NEK11: variants seen among roughly 807,000 people sequenced by gnomAD.
The protein encoded by NEK11 is NIMA related kinase 11.
A neutral mutation model predicts 80.7 loss-of-function variants in NEK11; 72 were observed. That is an observed-to-expected ratio of 0.89 (90% confidence interval 0.74 to 1.08). The LOEUF is 1.08. Ranked by LOEUF, NEK11 falls within the 50% of genes least tolerant of loss-of-function variation. The pLI, the probability that NEK11 is intolerant of heterozygous loss-of-function variation, is 0.00. For missense variants in NEK11, 764 were observed against 763.6 expected, an observed-to-expected ratio of 1.00 and a Z score of -0.01; for synonymous variants, 251 against 260.7, an observed-to-expected ratio of 0.96 and a Z score of 0.36.
chr3:131,320,806 A>C (rs1195534353), intron 17 of NEK11, among the ~76,000 whole-genome samples: 1 of 152,182 alleles, frequency 6.6e-6, no homozygotes, highest in African/African-American at 2.4e-5. Context: ...GAGGTGAAAT[A>C]TCTCTACAGA....
At chr3:131,059,611 T>G (rs958761946) in intron 3 of NEK11, among the ~76,000 whole-genome samples, 2 of 152,180 alleles carry the variant, frequency 1.3e-5, no homozygotes, top group Non-Finnish European at 2.9e-5. Context: ...TCCATCTACA[T>G]AGTGTGAAGT....
chr3:131,337,022 G>A (rs1582310527), intron 17 of NEK11, among the ~76,000 whole-genome samples: 1 of 152,156 alleles, frequency 6.6e-6, no homozygotes, highest in East Asian at 1.9e-4. Context: ...TGGTGGGACT[G>A]TAAACTAGTT....
chr3:131,154,923 G>A, intron 9 of NEK11, 113 bp from the exon 10 acceptor site: 1 of 630,788 alleles, frequency 1.6e-6, no homozygotes, highest in Non-Finnish European at 2.8e-6. Context: ...TTGTTCTCAG[G>A]CTCCCTGCCA....
intron 17 of NEK11, among the ~76,000 whole-genome samples, chr3:131,286,798 T>G (rs569181369): frequency 6.6e-6 from 1 of 152,196 alleles, no homozygotes; most frequent in African/African-American, 2.4e-5. Context: ...GACAGTATGG[T>G]ATGAAGATAT....
At chr3:131,118,000 C>T (rs2081592768) in intron 5 of NEK11, among the ~76,000 whole-genome samples, 1 of 152,156 alleles carries the variant, frequency 6.6e-6, no homozygotes, top group Non-Finnish European at 1.5e-5. Context: ...ACCAGAACTT[C>T]CAACACTATG....
chr3:131,101,820 A>G (rs935874024), intron 4 of NEK11, among the ~76,000 whole-genome samples: 3 of 152,116 alleles, frequency 2.0e-5, no homozygotes, highest in Non-Finnish European at 4.4e-5. Flanking sequence ...TCAGTGGGGT[A>G]CTGAAGCCTC....
At chr3:131,107,296 T>C (rs956506426) in intron 4 of NEK11, among the ~76,000 whole-genome samples, 6 of 151,922 alleles carry the variant, frequency 3.9e-5, no homozygotes, top group African/African-American at 9.7e-5. Flanking sequence ...ATTTTTGGTG[T>C]TTTTAAAGCG....
chr3:131,330,754 G>C (rs1161183886), intron 17 of NEK11: 2 of 152,150 alleles, frequency 1.3e-5, no homozygotes, highest in Admixed American at 6.6e-5. Context: ...TTGTGTTGCT[G>C]TAACAGAACA....
At chr3:131,030,930 A>G (rs1046755470) in intron 3 of NEK11, among the ~76,000 whole-genome samples, 2 of 152,270 alleles carry the variant, frequency 1.3e-5, no homozygotes, top group Non-Finnish European at 2.9e-5. Flanking sequence ...AACAGAAAGC[A>G]GAAGGAAGAA....
At chr3:131,303,752 A>T (rs2096689276) in intron 17 of NEK11, among the ~76,000 whole-genome samples, 1 of 152,098 alleles carries the variant, frequency 6.6e-6, no homozygotes, top group African/African-American at 2.4e-5. Context: ...TTCGTAGGTG[A>T]CCTGTCCCTT....
chr3:131,087,049 A>T (rs930006018), intron 4 of NEK11, among the ~76,000 whole-genome samples: 3 of 152,092 alleles, frequency 2.0e-5, no homozygotes, highest in African/African-American at 7.2e-5. Context: ...AGTGACTATC[A>T]GAGCTTTTCT....
chr3:131,170,857 G>C lies in NEK11; in HGVS notation c.1369G>C (p.Glu457Gln). ...MDLHELESIV[E>Q]DATSDLGYHE... ...CCTCCACGAACTTGAATCAATTGTA[G>C]AGGATGCCACATCTGACCTTGGATA... Residue 457 changes from glutamate (E) to glutamine (Q), a missense_variant, in exon 14 of 18, where the codon GAG becomes CAG. By Grantham distance (29) the Glu-to-Gln change is conservative. Coordinates refer to ENST00000383366, the MANE Select transcript of NEK11 (RefSeq NM_024800.5). The C allele has an allele frequency of 6.2e-7, 1 of 1,613,664 alleles. No homozygotes were observed. The highest frequency in any genetic ancestry group is 1.3e-5 in the African/African-American group (1 of 75,026).
chr3:131,030,743 T>C (rs879354085), intron 3 of NEK11, among the ~76,000 whole-genome samples: 2 of 152,222 alleles, frequency 1.3e-5, no homozygotes, highest in Non-Finnish European at 2.9e-5. Flanking sequence ...TCTCTTTTGA[T>C]TATGATCGGA....
intron 17 of NEK11, among the ~76,000 whole-genome samples, chr3:131,295,699 G>A (rs987767419): frequency 2.6e-5 from 4 of 151,942 alleles, no homozygotes; most frequent in African/African-American, 7.2e-5. Flanking sequence ...TAACTAGTAT[G>A]CTATTGATTT....
At chr3:131,134,359 G>A (rs2085113816) in intron 7 of NEK11, 1 of 152,488 alleles carries the variant, frequency 6.6e-6, no homozygotes, top group Non-Finnish European at 1.5e-5. Context: ...TTTTCTTTTT[G>A]TTACTTTTAA....
chr3:131,153,814 G>A (rs544112023), intron 9 of NEK11, among the ~76,000 whole-genome samples: 2 of 152,264 alleles, frequency 1.3e-5, no homozygotes, highest in African/African-American at 4.8e-5. Flanking sequence ...GAAAAAGTAA[G>A]GATGTAAATA....
At chr3:131,269,860 T>C (rs994407117) in intron 16 of NEK11, among the ~76,000 whole-genome samples, 8 of 152,200 alleles carry the variant, frequency 5.3e-5, no homozygotes, top group Non-Finnish European at 1.2e-4. Flanking sequence ...TGGGGTTTCA[T>C]AAAATTTTAT....
At chr3:131,114,176 T>G (rs943292414) in intron 5 of NEK11, among the ~76,000 whole-genome samples, 3 of 152,168 alleles carry the variant, frequency 2.0e-5, no homozygotes, top group African/African-American at 7.2e-5. Flanking sequence ...AGTATTTAAT[T>G]TAGTATAAAA....
At chr3:131,273,642 C>T in intron 17 of NEK11, 68 bp downstream of exon 17, 1 of 1,164,726 alleles carries the variant, frequency 8.6e-7, no homozygotes, top group Non-Finnish European at 1.3e-6. Flanking sequence ...GTGTGTGACC[C>T]AGTCATGTGA....
Sources: allele counts gnomAD v4.1 joint callset (sites outside exome capture counted in the v4.1 genomes callset), GRCh38; gene constraint gnomAD v4.1.1; transcripts MANE v1.5; gene names NCBI Gene and HGNC (gene_info 2026-07-23, HGNC 2026-07-21).